ADCY8: variants seen among roughly 807,000 people sequenced by gnomAD.
ADCY8 encodes the protein adenylate cyclase 8.
ADCY8 carries 51 observed loss-of-function variants against 119.7 expected under a neutral mutation model. That is an observed-to-expected ratio of 0.43 (90% CI 0.34 to 0.54). The LOEUF is 0.54. Ranked by LOEUF, ADCY8 falls within the 20% of genes least tolerant of loss-of-function variation. The pLI is 0.03. For missense variants in ADCY8, 1,383 were observed against 1,598.8 expected (o/e 0.87, Z 2.30); for synonymous variants, 665 against 651.0 (o/e 1.02, Z -0.33).
rs1824355969 is a variant in ADCY8, at chr8:131,040,456, C to A, written c.-123G>T. ...GGATCCTTTTTATCCTAGGCTGCCCCGTTGCAGGAGCCCTGCGCTAGGGCT... is the reference window on the plus strand; with the variant it reads ...GGATCCTTTTTATCCTAGGCTGCCCAGTTGCAGGAGCCCTGCGCTAGGGCT... On this transcript the variant is annotated 5_prime_UTR_variant, in exon 1 of 18. Coordinates refer to ENST00000286355, the MANE Select transcript of ADCY8 (RefSeq NM_001115.3). The A allele has an allele frequency of 8.0e-7, 1 of 1,243,172 alleles. No individual in the cohort carries two copies. Among genetic ancestry groups the A allele is most frequent in the South Asian group, 2.3e-5 (1 of 43,240 alleles). The allele number at this position is 1,243,172 out of a possible 1,614,324, so 77.0% of individuals were successfully genotyped here. A position where few individuals can be genotyped will look rare whatever the true frequency, so the allele number is the denominator to read the frequency against.
rs529286641 is a variant in ADCY8, at chr8:130,955,415, C to T, written c.1111-3417G>A. ...GAGCCAGTTGGAAGCTTCCCCTTCA[C>T]CTTATCAGAAAGCTGTTCCTAAAAA... is the stretch of plus-strand genomic sequence containing the variant. On this transcript the variant is annotated intron_variant, in intron 2 of 17. Coordinates refer to ENST00000286355, the MANE Select transcript of ADCY8 (RefSeq NM_001115.3). Among the ~76,000 whole-genome samples, 3 of 152,208 alleles carry T rather than the reference C, an allele frequency of 2.0e-5. No homozygotes were observed. In the South Asian group the frequency reaches 6.2e-4, roughly 32 times the overall value.
At chr8:130,963,638 A>G (rs1821674507) in intron 2 of ADCY8, among the ~76,000 whole-genome samples, 1 of 152,160 alleles carries the variant, frequency 6.6e-6, no homozygotes. Flanking sequence ...GATGATAGTC[A>G]TGGTATCAGA....
chr8:130,864,194 G>C (rs577107531), intron 9 of ADCY8, among the ~76,000 whole-genome samples: 2 of 152,254 alleles, frequency 1.3e-5, no homozygotes, highest in Non-Finnish European at 2.9e-5. Context: ...CTACAGGTAA[G>C]GCAGTGTCCT....
At chr8:130,887,202 C>T (rs991539112) in intron 7 of ADCY8, among the ~76,000 whole-genome samples, 1 of 152,048 alleles carries the variant, frequency 6.6e-6, no homozygotes, top group African/African-American at 2.4e-5. Flanking sequence ...TGTATTCAGC[C>T]GTCCATTCAG....
intron 13 of ADCY8, among the ~76,000 whole-genome samples, chr8:130,816,674 C>T (rs1230632431): frequency 3.3e-5 from 5 of 152,084 alleles, no homozygotes; most frequent in Non-Finnish European, 4.4e-5. Flanking sequence ...ATCCACCTGC[C>T]TCTGCCTCCC....
intron 5 of ADCY8, among the ~76,000 whole-genome samples, chr8:130,921,155 A>G (rs1820289355): frequency 6.6e-6 from 1 of 152,224 alleles, no homozygotes; most frequent in Non-Finnish European, 1.5e-5. Context: ...CCCAAATATT[A>G]AAAAATATAG....
chr8:130,969,067 C>G (rs1821847233), intron 2 of ADCY8, among the ~76,000 whole-genome samples: 1 of 152,152 alleles, frequency 6.6e-6, no homozygotes, highest in African/African-American at 2.4e-5. Flanking sequence ...TATGTGTCAA[C>G]CCTCTGGGCC....
At chr8:130,798,708 A>T (rs140664859) in intron 15 of ADCY8, among the ~76,000 whole-genome samples, 1 of 152,182 alleles carries the variant, frequency 6.6e-6, no homozygotes, top group African/African-American at 2.4e-5. Flanking sequence ...GAGAGAAATA[A>T]TATGGTCTGA....
intron 5 of ADCY8, among the ~76,000 whole-genome samples, chr8:130,935,015 G>T (rs931186281): frequency 6.6e-6 from 1 of 152,084 alleles, no homozygotes; most frequent in Non-Finnish European, 1.5e-5. Context: ...TCTTTCCATA[G>T]GATCAATGAC....
At chr8:130,999,429 A>G (rs78213569) in intron 1 of ADCY8, among the ~76,000 whole-genome samples, 4,312 of 152,182 alleles carry the variant, frequency 0.028, 153 homozygotes, top group African/African-American at 0.08. Flanking sequence ...GGGAGTTCAA[A>G]GTTGGAAGCA....
chr8:131,039,956 G>C lies in ADCY8; in HGVS notation c.378C>G (p.Asp126Glu). 6.3e-7 allele frequency: 1 copy of C among 1,590,350 alleles called. No homozygotes were observed. The highest frequency in any genetic ancestry group is 8.6e-7 in the Non-Finnish European group (1 of 1,168,640). Residue 126 changes from aspartate to glutamate, a missense_variant, in exon 1 of 18, where the codon GAC becomes GAG. Coordinates refer to ENST00000286355, the MANE Select transcript of ADCY8 (RefSeq NM_001115.3). ...GSASGSGGGGDLGFLHLDCAP... is the reference protein window; with the variant it reads ...GSASGSGGGGELGFLHLDCAP... ...CACAGTCAAGGTGCAGGAAGCCCAG[G>C]TCGCCCCCGCCTCCGCTGCCGCTGG...
At chr8:130,968,698 T>C (rs1011443952) in intron 2 of ADCY8, among the ~76,000 whole-genome samples, 1 of 152,148 alleles carries the variant, frequency 6.6e-6, no homozygotes, top group African/African-American at 2.4e-5. Flanking sequence ...TTAGCTGAGG[T>C]CTTAGTCTGA....
chr8:130,813,949 T>A, intron 14 of ADCY8, 120 bp downstream of exon 14: 9 of 1,268,294 alleles, frequency 7.1e-6, no homozygotes, highest in Non-Finnish European at 9.9e-6. Flanking sequence ...TAGGAGTTTC[T>A]CCATTCTCAT....
chr8:130,835,360 C>T (rs1016175663), intron 12 of ADCY8, among the ~76,000 whole-genome samples: 1 of 152,170 alleles, frequency 6.6e-6, no homozygotes, highest in African/African-American at 2.4e-5. Flanking sequence ...ACACTTTTTC[C>T]CACCTTAGAG....
chr8:130,915,364 G>T (rs532868332), intron 5 of ADCY8, among the ~76,000 whole-genome samples: 1 of 152,108 alleles, frequency 6.6e-6, no homozygotes, highest in Non-Finnish European at 1.5e-5. Flanking sequence ...ATGACAGGAC[G>T]CATAATTCAG....
chr8:130,961,310 A>G (rs374713144), intron 2 of ADCY8, among the ~76,000 whole-genome samples: 1 of 151,968 alleles, frequency 6.6e-6, no homozygotes, highest in African/African-American at 2.4e-5. Flanking sequence ...GGGTTTCATC[A>G]TGCTGGCCAG....
chr8:130,828,337 C>T (rs943784298), intron 12 of ADCY8, among the ~76,000 whole-genome samples: 1 of 152,216 alleles, frequency 6.6e-6, no homozygotes, highest in South Asian at 2.1e-4. Context: ...GAGGGTCCCC[C>T]CCACCCACAG....
chr8:130,874,145 T>C (rs182889033), intron 8 of ADCY8, among the ~76,000 whole-genome samples: 118 of 151,938 alleles, frequency 7.8e-4, no homozygotes, highest in Middle Eastern at 3.4e-3. Flanking sequence ...CTGTCTCTGC[T>C]AAAAATACAA....
intron 9 of ADCY8, among the ~76,000 whole-genome samples, 197 bp from the exon 10 acceptor site, chr8:130,850,000 C>T (rs979447893): frequency 1.3e-5 from 2 of 152,214 alleles, no homozygotes; most frequent in South Asian, 4.1e-4. Flanking sequence ...TATTGAGAAA[C>T]TTTGCAAAAA....
Sources: gnomAD v4.1 joint callset for allele counts (sites outside exome capture counted in the v4.1 genomes callset) on GRCh38, gnomAD v4.1.1 for gene constraint, MANE v1.5 for transcripts, NCBI Gene and HGNC (gene_info 2026-07-23, HGNC 2026-07-21) for gene names.